FOCAD: variants seen among roughly 807,000 people sequenced by gnomAD.
FOCAD encodes the protein focadhesin.
Under a neutral mutation model 225.6 loss-of-function variants are expected in FOCAD, and 198 were observed. The ratio of observed to expected loss-of-function variants is 0.88; its 90% confidence interval spans 0.78 to 0.99. The LOEUF (loss-of-function observed/expected upper bound fraction) is 0.99. Among genes scored for constraint, FOCAD ranks in the 50% least tolerant of loss-of-function variants. The probability of loss-of-function intolerance (pLI) is 0.00; values close to 1 mark genes in which losing one functional copy is unlikely to be tolerated. For missense variants in FOCAD, 2,713 were observed against 2,123.6 expected (o/e 1.28, Z -5.46); for synonymous variants, 897 against 755.0 (o/e 1.19, Z -3.08).
intron 35 of FOCAD, among the ~76,000 whole-genome samples, chr9:20,964,421 A>G (rs956639833): frequency 4.6e-5 from 7 of 152,118 alleles, no homozygotes; most frequent in Non-Finnish European, 7.4e-5. Context: ...AATAATAGCA[A>G]TGATTAACTC....
chr9:20,712,668 G>GA (rs900968665), intron 1 of FOCAD, among the ~76,000 whole-genome samples: 1 of 133,330 alleles, frequency 7.5e-6, no homozygotes, highest in African/African-American at 2.7e-5. Flanking sequence ...TCACAAAAAA[G>GA]AAAAAAAAAG....
intron 28 of FOCAD, among the ~76,000 whole-genome samples, chr9:20,942,822 C>T: frequency 6.6e-6 from 1 of 152,090 alleles, no homozygotes; most frequent in South Asian, 2.1e-4. Flanking sequence ...TAATTTTCAT[C>T]AGAGTTTATA....
intron 8 of FOCAD, among the ~76,000 whole-genome samples, chr9:20,770,451 G>A (rs1422505247): frequency 1.3e-5 from 2 of 152,136 alleles, no homozygotes; most frequent in Non-Finnish European, 2.9e-5. Flanking sequence ...CACATGGCTG[G>A]TGTAGGAGTG....
In FOCAD at chr9:20,778,706, T is replaced by A; in HGVS notation, c.932T>A (p.Ile311Asn). 2 of 1,611,978 alleles carry A rather than the reference T, an allele frequency of 1.2e-6. No individual in the cohort carries two copies. The highest frequency in any genetic ancestry group is 1.7e-6 in the Non-Finnish European group (2 of 1,178,422). Residue 311 changes from isoleucine to asparagine, a missense_variant, in exon 9 of 44, where the codon ATT (isoleucine) becomes AAT (asparagine). Physicochemically the swap from Ile to Asn is moderately radical, Grantham distance 149. Transcript: ENST00000338382. ...KEDFPVELVI[I>N]GIALLLLQTP... Reference sequence around the variant, plus strand: ...GATTTTCCTGTTGAACTGGTCATAATTGGAATAGCTTTACTACTTCTACAG... The same window carrying A: ...GATTTTCCTGTTGAACTGGTCATAAATGGAATAGCTTTACTACTTCTACAG...
chr9:20,849,464 G>A (rs1268572914), intron 15 of FOCAD, among the ~76,000 whole-genome samples: 2 of 151,320 alleles, frequency 1.3e-5, no homozygotes, highest in Non-Finnish European at 2.9e-5. Context: ...CAACCTTAAT[G>A]TTGACTTCTA....
chr9:20,934,032 T>C (rs1364217758), intron 28 of FOCAD, among the ~76,000 whole-genome samples: 4 of 152,198 alleles, frequency 2.6e-5, no homozygotes, highest in Non-Finnish European at 5.9e-5. Context: ...ATTCATGTCC[T>C]TAGCCCACTT....
intron 37 of FOCAD, among the ~76,000 whole-genome samples, chr9:20,980,136 T>A (rs955973149): frequency 5.3e-5 from 8 of 151,310 alleles, no homozygotes; most frequent in African/African-American, 1.9e-4. Context: ...ATAAATTATA[T>A]ATAAATTTCA....
intron 19 of FOCAD, among the ~76,000 whole-genome samples, chr9:20,879,260 T>G (rs1193267910): frequency 6.6e-6 from 1 of 152,200 alleles, no homozygotes; most frequent in Non-Finnish European, 1.5e-5. Flanking sequence ...GCAACTATCC[T>G]GTGTACAACT....
chr9:20,990,792 A>G (rs1442347897), intron 42 of FOCAD, among the ~76,000 whole-genome samples: 3 of 152,170 alleles, frequency 2.0e-5, no homozygotes, highest in African/African-American at 4.8e-5. Flanking sequence ...TTGATCAACA[A>G]TGCCTGGGTG....
At chr9:20,959,630 C>A (rs981923228) in intron 35 of FOCAD, among the ~76,000 whole-genome samples, 4 of 151,988 alleles carry the variant, frequency 2.6e-5, no homozygotes, top group African/African-American at 9.7e-5. Context: ...TGAAGCATTT[C>A]TCCTATGTTT....
chr9:20,873,225 T>G (rs4977786), intron 18 of FOCAD, among the ~76,000 whole-genome samples: 5 of 151,936 alleles, frequency 3.3e-5, no homozygotes, highest in African/African-American at 1.2e-4. Flanking sequence ...CTCTATTTTT[T>G]TGTTTTGCCA....
chr9:20,758,606 CTA>C (rs1829285078), intron 6 of FOCAD, among the ~76,000 whole-genome samples: 1 of 148,094 alleles, frequency 6.8e-6, no homozygotes, highest in South Asian at 2.2e-4. Context: ...ATAAGTGAGA[CTA>C]TGCGGTGTTT....
intron 5 of FOCAD, among the ~76,000 whole-genome samples, chr9:20,751,290 C>G (rs1433487001): frequency 6.9e-6 from 1 of 144,164 alleles, no homozygotes; most frequent in Non-Finnish European, 1.5e-5. Flanking sequence ...AGGTATATCT[C>G]CCAGTGCTAT....
At chr9:20,957,673 C>CTTTTTTTTT (rs775116988) in intron 35 of FOCAD, 1 of 38,422 alleles carries the variant, frequency 2.6e-5, no homozygotes, top group African/African-American at 1.1e-4. Context: ...ATCTCTCTCT[C>CTTTTTTTTT]TTTTTTTTTT....
At position 20,742,793 on chromosome 9, in the gene FOCAD, A is replaced by G. The variant is rs181277294; in HGVS notation, c.392+2453A>G. Among the ~76,000 whole-genome samples, 567 of 152,282 alleles carry G rather than the reference A, an allele frequency of 3.7e-3. 4 individuals are homozygous for G. The highest frequency in any genetic ancestry group is 0.013 in the African/African-American group (543 of 41,546). On this transcript the variant is annotated intron_variant, in intron 5 of 43. Transcript: ENST00000338382. ...TTCCTTTAACTTCAGTCTTGTTTCA[A>G]AAGGCAATTGCTGCAAGGTGTGAAT... is the stretch of plus-strand genomic sequence containing the variant.
chr9:20,659,440 A>AAGAAAGAAAGAAAGAAAGAAAGAAAGAC (rs71334544), intron 2 of FOCAD, among the ~76,000 whole-genome samples: 23,258 of 144,316 alleles, frequency 0.16, 2,170 homozygotes, highest in South Asian at 0.22. Context: ...GAAAGAAAGA[A>AAGAAAGAAAGAAAGAAAGAAAGAAAGAC]AGACAGACAG....
At position 20,700,228 on chromosome 9, in the gene FOCAD, A is replaced by G. The variant is rs191117462; in HGVS notation, c.-32-15094A>G. ...TACTGTGGGTTTTTAAAGGATTGTA[A>G]TAAATAGCAGATTAAGCACATAGCT... On this transcript the variant is annotated intron_variant, in intron 1 of 43. Coordinates refer to ENST00000338382, the MANE Select transcript of FOCAD (RefSeq NM_001375567.1). 2.4e-3 allele frequency among the ~76,000 whole-genome samples: 369 copies of G among 152,258 alleles called. 1 individual carries two copies. The highest frequency in any genetic ancestry group is 4.4e-3 in the Non-Finnish European group (296 of 68,022).
intron 1 of FOCAD, among the ~76,000 whole-genome samples, chr9:20,696,523 G>A (rs988876442): frequency 2.0e-5 from 3 of 152,136 alleles, no homozygotes; most frequent in Non-Finnish European, 4.4e-5. Flanking sequence ...ATTGCCATTG[G>A]CCAGGTGCTG....
intron 1 of FOCAD, among the ~76,000 whole-genome samples, chr9:20,696,569 C>T (rs971288470): frequency 6.6e-6 from 1 of 152,068 alleles, no homozygotes; most frequent in African/African-American, 2.4e-5. Context: ...TTTGGGAGGC[C>T]GAGACAGGTG....
Sources: allele counts gnomAD v4.1 joint callset (sites outside exome capture counted in the v4.1 genomes callset), GRCh38; gene constraint gnomAD v4.1.1; transcripts MANE v1.5; gene names NCBI Gene and HGNC (gene_info 2026-07-23, HGNC 2026-07-21).